Variants in COL6A3 observed in about 807,000 individuals in gnomAD.
COL6A3 encodes collagen type VI alpha 3 chain.
Under a neutral mutation model 274.1 loss-of-function variants are expected in COL6A3, and 137 were observed. The observed-to-expected ratio is 0.50, with a 90% confidence interval of 0.44 to 0.58. The LOEUF is 0.58. Ranked by LOEUF, COL6A3 falls within the 20% of genes least tolerant of loss-of-function variation. COL6A3 has a pLI of 0.00. For missense variants in COL6A3, 3,950 were observed against 4,124.9 expected, an observed-to-expected ratio of 0.96 and a Z score of 1.16; for synonymous variants, 1,650 against 1,650.6, an observed-to-expected ratio of 1.00 and a Z score of 0.01.
chr2:237,360,741 T>C (rs562153111), intron 16 of COL6A3, among the ~76,000 whole-genome samples: 1 of 152,232 alleles, frequency 6.6e-6, no homozygotes, highest in African/African-American at 2.4e-5. Context: ...GGGACTACCC[T>C]TAACGGGGTA....
At chr2:237,348,513 T>C in intron 29 of COL6A3, 100 bp downstream of exon 29, 1 of 1,409,770 alleles carries the variant, frequency 7.1e-7, no homozygotes, top group Non-Finnish European at 9.9e-7. Flanking sequence ...ACAAAGACAA[T>C]TTTTAAAGAA....
chr2:237,360,203 T>C, intron 16 of COL6A3, 44 bp from the exon 17 acceptor site: 1 of 1,581,874 alleles, frequency 6.3e-7, no homozygotes, highest in Non-Finnish European at 8.7e-7. Flanking sequence ...GAGCCCTTCA[T>C]CACCCTTTCT....
Position 237,413,654 on chromosome 2 carries a change from G to GGGCCGAAA in COL6A3, c.-31+291_-31+298dup, listed in dbSNP as rs1375739746. On this transcript the variant is annotated intron_variant, in intron 1 of 43. Transcript: ENST00000295550. This position sits in a 1 kb window ranked among gnomAD's most constrained non-coding sequence, Gnocchi z 4.0. ...GGCGGCAGTAACTTAAATAAATCAT[G>GGGCCGAAA]GGCCGAAACACACTGCCGCCCGGAA... 2.6e-5 allele frequency among the ~76,000 whole-genome samples: 4 copies of GGGCCGAAA among 152,182 alleles called. No homozygotes were observed. In the South Asian group the frequency reaches 6.2e-4, roughly 24 times the overall value.
intron 1 of COL6A3, among the ~76,000 whole-genome samples, chr2:237,408,477 C>T (rs78322598): frequency 0.016 from 2,458 of 152,300 alleles, 26 homozygotes; most frequent in Non-Finnish European, 0.024. Flanking sequence ...CTCTGGGTAC[C>T]GGCCCTGGGC....
chr2:237,352,328 G>T (rs1351879155), intron 26 of COL6A3, among the ~76,000 whole-genome samples, 194 bp downstream of exon 26: 1 of 152,306 alleles, frequency 6.6e-6, no homozygotes, highest in South Asian at 2.1e-4. Context: ...ACCAAAAAAG[G>T]AAACTCTTAC....
At position 237,374,930 on chromosome 2, in the gene COL6A3, A is replaced by T; in HGVS notation, c.3161T>A (p.Val1054Glu). 2 of 1,613,532 alleles carry T rather than the reference A, an allele frequency of 1.2e-6. No homozygotes were observed. Among genetic ancestry groups the T allele is most frequent in the Non-Finnish European group, 1.7e-6 (2 of 1,179,956 alleles). The change falls in exon 8 of 44, where the codon GTG becomes GAG. Residue 1054 changes from valine (V) to glutamate (E), a missense_variant. Val to Glu is a moderately radical substitution (Grantham distance 121, BLOSUM62 -2). Transcript: ENST00000295550. The surrounding 1 kb of genome is among the most constrained non-coding windows in gnomAD (Gnocchi z 4.8). ...CTGGCCCACATCCAGGCTTTCCACCACTCTCTGGACAAACTCTTTCAACAG... is the reference window on the plus strand; with the variant it reads ...CTGGCCCACATCCAGGCTTTCCACCTCTCTCTGGACAAACTCTTTCAACAG... ...FPLLKEFVQR[V>E]VESLDVGQDR...
rs534039241 is a variant in COL6A3, at chr2:237,364,227, G to C, written c.5917+123C>G. 6.5e-4 allele frequency: 516 copies of C among 789,014 alleles called. 1 individual carries two copies. Among genetic ancestry groups the C allele is most frequent in the Non-Finnish European group, 9.7e-4 (443 of 454,388 alleles). The allele number at this position is 789,014 out of a possible 1,614,324, so 48.9% of individuals were successfully genotyped here. ...AAGGGCCACAACGCTGGGAGGAAGA[G>C]TCTCCCAAGACAACGCTGCTCCCTT... On this transcript the variant is annotated intron_variant, in intron 13 of 43. Transcript: ENST00000295550. The surrounding 1 kb of genome is among the most constrained non-coding windows in gnomAD (Gnocchi z 4.6).
chr2:237,386,335 T>C (rs1033232432), intron 4 of COL6A3: 2 of 152,240 alleles, frequency 1.3e-5, no homozygotes, highest in Non-Finnish European at 2.9e-5. Context: ...TTTCATACAA[T>C]GGCATATTCT....
At chr2:237,362,690 C>T (rs1441607205) in intron 14 of COL6A3, among the ~76,000 whole-genome samples, 2 of 152,136 alleles carry the variant, frequency 1.3e-5, no homozygotes, top group East Asian at 3.9e-4. Flanking sequence ...GCAGCTCAGC[C>T]CCACATCTTC....
intron 4 of COL6A3, among the ~76,000 whole-genome samples, chr2:237,385,497 G>A (rs1417797535): frequency 2.6e-5 from 4 of 152,196 alleles, no homozygotes; most frequent in Middle Eastern, 3.4e-3. Flanking sequence ...TCAAGAAATC[G>A]AAACCCAGAG....
Position 237,374,608 on chromosome 2 carries a change from C to G in COL6A3, c.3483G>C (p.Val1161=). Residue 1161 remains valine (V), a synonymous_variant, in exon 8 of 44, where the codon GTG becomes GTC. Coordinates refer to ENST00000295550, the MANE Select transcript of COL6A3 (RefSeq NM_004369.4). The surrounding 1 kb of genome is among the most constrained non-coding windows in gnomAD (Gnocchi z 4.8). ...CGTTCCCGATGCCAATGCCAATGGG[C>G]ACAGCCCCACCCCTCTTCACGACCA... ...PSVVVKRGGA[V]PIGIGIGNAD... is the part of the protein sequence containing the mutation. 2.5e-6 allele frequency: 4 copies of G among 1,614,212 alleles called. No homozygotes were observed. The highest frequency in any genetic ancestry group is 3.4e-6 in the Non-Finnish European group (4 of 1,180,048).
At chr2:237,383,269 A>G (rs1337436012) in intron 4 of COL6A3, among the ~76,000 whole-genome samples, 1 of 152,240 alleles carries the variant, frequency 6.6e-6, no homozygotes. Context: ...GAAGGGTAAC[A>G]TGTTATGCAC....
Position 237,352,524 on chromosome 2 carries a change from G to A in COL6A3, c.6751C>T (p.Arg2251Trp), listed in dbSNP as rs116690555. 381 of 1,611,808 alleles carry A rather than the reference G, an allele frequency of 2.4e-4. 2 individuals are homozygous for A. The African/African-American group carries it at 4.0e-3, about 17-fold the overall frequency. The change falls in exon 26 of 44, where the codon CGG becomes TGG. Residue 2251 changes from arginine to tryptophan, a missense_variant and splice_region_variant. By Grantham distance (101) the Arg-to-Trp change is moderately radical (BLOSUM62 -3). Coordinates refer to ENST00000295550, the MANE Select transcript of COL6A3 (RefSeq NM_004369.4). Reference protein sequence around the residue: ...LIGEQGISGPRGSGGAAGAPG... With the variant: ...LIGEQGISGPWGSGGAAGAPG... ...GGCTGGTATTAGGACAGGCTTACCCGAGGTCCAGAAATGCCTTGTTCTCCT... is the reference window on the plus strand; with the variant it reads ...GGCTGGTATTAGGACAGGCTTACCCAAGGTCCAGAAATGCCTTGTTCTCCT...
chr2:237,345,318 G>A (rs1476566989), intron 32 of COL6A3, 105 bp from the exon 33 acceptor site: 7 of 1,041,658 alleles, frequency 6.7e-6, no homozygotes, highest in African/African-American at 1.6e-5. Context: ...GGGGCCCCTG[G>A]ATAACCTTGA....
At chr2:237,351,219 A>G (rs1034528351) in intron 26 of COL6A3, 27 bp from the exon 27 acceptor site, 3 of 1,612,582 alleles carry the variant, frequency 1.9e-6, no homozygotes, top group Non-Finnish European at 2.5e-6. Flanking sequence ...GGAATGTGTC[A>G]GTGAAGTGGC....
At chr2:237,411,155 C>T (rs1390964217) in intron 1 of COL6A3, among the ~76,000 whole-genome samples, 1 of 152,202 alleles carries the variant, frequency 6.6e-6, no homozygotes, top group Admixed American at 6.5e-5. Context: ...TGGTACACAA[C>T]ATCCCTGTCA....
chr2:237,386,575 G>A (rs945656706), intron 4 of COL6A3: 1 of 152,010 alleles, frequency 6.6e-6, no homozygotes, highest in Admixed American at 6.6e-5. Context: ...TAGGAGCCTC[G>A]GTATCCATTC....
chr2:237,375,022 T>G lies in COL6A3; in HGVS notation c.3071-2A>C, dbSNP rs1399485570. The G allele has an allele frequency of 6.2e-7, 1 of 1,613,366 alleles. No homozygotes were observed. The highest frequency in any genetic ancestry group is 1.6e-4 in the Middle Eastern group (1 of 6,062). ...ACACCACGTCCTTTTCACCTGAAACTGGGAGGAGGACAGCCTGGTAACTCA... is the reference window on the plus strand; with the variant it reads ...ACACCACGTCCTTTTCACCTGAAACGGGGAGGAGGACAGCCTGGTAACTCA... On this transcript the variant is annotated splice_acceptor_variant, in intron 7 of 43. Transcript: ENST00000295550. LOFTEE classifies it high-confidence loss of function.
At chr2:237,325,806 G>T in intron 42 of COL6A3, 82 bp from the exon 43 acceptor site, 3 of 1,240,856 alleles carry the variant, frequency 2.4e-6, no homozygotes, top group South Asian at 2.6e-5. Flanking sequence ...ACAGTCTGAT[G>T]ACCCTACTGT....
Sources: gnomAD v4.1 joint callset for allele counts (sites outside exome capture counted in the v4.1 genomes callset) on GRCh38, gnomAD v4.1.1 for gene constraint, Gnocchi (gnomAD v3.1) non-coding constraint, MANE v1.5 for transcripts, NCBI Gene and HGNC (gene_info 2026-07-23, HGNC 2026-07-21) for gene names.